Variants in CLUL1 observed in about 807,000 individuals in gnomAD.
CLUL1 encodes clusterin-like protein 1.
In CLUL1, 43 loss-of-function variants were observed where a neutral mutation model predicts 49.4. That is an observed-to-expected ratio of 0.87 (90% CI 0.68 to 1.12). CLUL1 has a LOEUF of 1.12. CLUL1 is among the 50% of genes most tolerant of loss of function. The pLI, the probability that CLUL1 is intolerant of heterozygous loss-of-function variation, is 0.00. For missense variants in CLUL1, 486 were observed against 544.4 expected (o/e 0.89, Z 1.07); for synonymous variants, 192 against 184.9 (o/e 1.04, Z -0.31).
intron 1 of CLUL1, among the ~76,000 whole-genome samples, chr18:602,576 A>G (rs2072863117): frequency 6.6e-6 from 1 of 152,244 alleles, no homozygotes; most frequent in African/African-American, 2.4e-5. Context: ...AGCTATTTTC[A>G]TAATTTCCTC....
intron 4 of CLUL1, 85 bp downstream of exon 4, chr18:619,446 A>G: frequency 8.1e-7 from 1 of 1,236,870 alleles, no homozygotes; most frequent in South Asian, 2.0e-5. Flanking sequence ...TGAATTACTT[A>G]TTTTCCTTAG....
At chr18:649,709 C>T in intron 9 of CLUL1, 189 bp from the exon 10 acceptor site, 1 of 507,392 alleles carries the variant, frequency 2.0e-6, no homozygotes, top group Non-Finnish European at 3.5e-6. Context: ...ACGATTTCTT[C>T]AAATTGTTAA....
chr18:619,497 T>C, intron 4 of CLUL1, 136 bp downstream of exon 4: 1 of 851,806 alleles, frequency 1.2e-6, no homozygotes, highest in Admixed American at 3.3e-5. Flanking sequence ...TGAGGAAAAG[T>C]TTAAGGGAAG....
At chr18:599,076 A>G (rs557787654) in intron 1 of CLUL1, among the ~76,000 whole-genome samples, 9 of 152,374 alleles carry the variant, frequency 5.9e-5, no homozygotes, top group African/African-American at 2.2e-4. Flanking sequence ...GAATGATTAT[A>G]GTAGATTTTA....
At chr18:634,346 C>A (rs1217314383) in intron 7 of CLUL1, among the ~76,000 whole-genome samples, 6 of 152,108 alleles carry the variant, frequency 3.9e-5, no homozygotes, top group Non-Finnish European at 5.9e-5. Context: ...ATTGGCCAGG[C>A]TGGTCTCGAA....
chr18:649,894 T>C lies in CLUL1; in HGVS notation c.1398-4T>C. ...TCATTGCTGCCTTTTTTTTTTTTTT[T>C]AAGGTAAGAAGATCTAATGCATCCT... On this transcript the variant is annotated splice_polypyrimidine_tract_variant and splice_region_variant and intron_variant, in intron 9 of 9. Coordinates refer to ENST00000692774, the MANE Select transcript of CLUL1 (RefSeq NM_001393344.1). 7.4e-7 allele frequency: 1 copy of C among 1,345,968 alleles called. No homozygotes were observed. The highest frequency in any genetic ancestry group is 1.1e-6 in the Non-Finnish European group (1 of 949,936). The allele number at this position is 1,345,968 out of a possible 1,614,324, so 83.4% of individuals were successfully genotyped here. A position where few individuals can be genotyped will look rare whatever the true frequency, so the allele number is the denominator to read the frequency against.
At chr18:626,139 G>T (rs1053377524) in intron 5 of CLUL1, among the ~76,000 whole-genome samples, 3 of 152,118 alleles carry the variant, frequency 2.0e-5, no homozygotes, top group African/African-American at 7.2e-5. Flanking sequence ...ATGAGACAGG[G>T]TCTGGCTCTT....
chr18:618,197 TA>T lies in CLUL1; in HGVS notation c.106+92del. ...GTGAGTCGCAGTTGAGAGATAACCA[TA>T]TTCGCTGTTTTCACGGTGAAACGTT... On this transcript the variant is annotated intron_variant, in intron 3 of 9. Transcript: ENST00000692774. This position sits in a 1 kb window ranked among gnomAD's most constrained non-coding sequence, Gnocchi z 4.2. The T allele has an allele frequency of 1.1e-6, 1 of 946,996 alleles. No homozygotes were observed. Among genetic ancestry groups the T allele is most frequent in the Non-Finnish European group, 1.7e-6 (1 of 598,178 alleles). 58.7% of individuals were successfully genotyped at this position (946,996 alleles called of 1,614,324 possible). A position where few individuals can be genotyped will look rare whatever the true frequency, so the allele number is the denominator to read the frequency against.
In CLUL1 at chr18:650,051, T is replaced by C. The variant is rs2074633971; in HGVS notation, c.*150T>C. 1 of 550,602 alleles carries C rather than the reference T, an allele frequency of 1.8e-6. No individual in the cohort carries two copies. Among genetic ancestry groups the C allele is most frequent in the East Asian group, 2.8e-5 (1 of 35,888 alleles). 34.1% of individuals were successfully genotyped at this position (550,602 alleles called of 1,614,324 possible). A position where few individuals can be genotyped will look rare whatever the true frequency, so the allele number is the denominator to read the frequency against. Reference sequence around the variant, plus strand: ...ATGAAGTACTCTTAGTTTACTTATGTTGAATGGCTTAGCTATTAATACTCA... The same window carrying C: ...ATGAAGTACTCTTAGTTTACTTATGCTGAATGGCTTAGCTATTAATACTCA... On this transcript the variant is annotated 3_prime_UTR_variant, in exon 10 of 10. Transcript: ENST00000692774.
At chr18:603,641 AGTT>A (rs2072890950) in intron 1 of CLUL1, among the ~76,000 whole-genome samples, 1 of 152,136 alleles carries the variant, frequency 6.6e-6, no homozygotes, top group Admixed American at 6.5e-5. Flanking sequence ...AGATTTCACC[AGTT>A]ATTAGATGCA....
intron 8 of CLUL1, among the ~76,000 whole-genome samples, chr18:644,242 A>G (rs1367865606): frequency 1.3e-5 from 2 of 152,254 alleles, no homozygotes; most frequent in Non-Finnish European, 2.9e-5. Context: ...TTAAGGTTAC[A>G]TCAAGTTGCG....
chr18:633,009 T>C (rs1181832706), intron 6 of CLUL1, among the ~76,000 whole-genome samples: 1 of 152,074 alleles, frequency 6.6e-6, no homozygotes, highest in Non-Finnish European at 1.5e-5. Flanking sequence ...GTACAAAGAT[T>C]AGCTGGGCTT....
rs544768226 is a variant in CLUL1, at chr18:598,439, G to C, written c.-136+1310G>C. 51 of 397,438 alleles carry C rather than the reference G, an allele frequency of 1.3e-4. No homozygotes were observed. In the Admixed American group the frequency reaches 1.5e-3, roughly 12 times the overall value. 24.6% of individuals were successfully genotyped at this position (397,438 alleles called of 1,614,324 possible). A position where few individuals can be genotyped will look rare whatever the true frequency, so the allele number is the denominator to read the frequency against. On this transcript the variant is annotated intron_variant, in intron 1 of 9. Coordinates refer to ENST00000692774, the MANE Select transcript of CLUL1 (RefSeq NM_001393344.1). Reference sequence around the variant, plus strand: ...ACGCTTTGTGAGTCTTCCTTCTTTCGACAGCCTGGAGTCTCTCTTGAGTCT... The same window carrying C: ...ACGCTTTGTGAGTCTTCCTTCTTTCCACAGCCTGGAGTCTCTCTTGAGTCT...
intron 4 of CLUL1, among the ~76,000 whole-genome samples, 175 bp downstream of exon 4, chr18:619,536 G>T (rs756589124): frequency 6.6e-6 from 1 of 152,090 alleles, no homozygotes; most frequent in African/African-American, 2.4e-5. Context: ...AACATATTTC[G>T]TGTAGGATAG....
intron 8 of CLUL1, among the ~76,000 whole-genome samples, chr18:644,158 CAT>C (rs1169883125): frequency 6.6e-6 from 1 of 152,126 alleles, no homozygotes; most frequent in Non-Finnish European, 1.5e-5. Flanking sequence ...TTAAACCAAA[CAT>C]AAATACTTTA....
At chr18:643,016 A>T (rs1278188347) in intron 8 of CLUL1, among the ~76,000 whole-genome samples, 3 of 152,242 alleles carry the variant, frequency 2.0e-5, no homozygotes, top group Admixed American at 2.0e-4. Flanking sequence ...ATGGCATTCT[A>T]TAATCCAGCA....
Position 619,147 on chromosome 18 carries a change from G to T in CLUL1, c.107-66G>T, listed in dbSNP as rs911586164. 9 of 1,457,600 alleles carry T rather than the reference G, an allele frequency of 6.2e-6. No homozygotes were observed. In the African/African-American group the frequency reaches 1.1e-4, roughly 18 times the overall value. The allele number at this position is 1,457,600 out of a possible 1,614,324, so 90.3% of individuals were successfully genotyped here. A position where few individuals can be genotyped will look rare whatever the true frequency, so the allele number is the denominator to read the frequency against. ...AGCCTCTCTTTTGGAGACATGAAAG[G>T]TTGGTGAACTTGGTGTTTTGTAATC... On this transcript the variant is annotated intron_variant, in intron 3 of 9. Coordinates refer to ENST00000692774, the MANE Select transcript of CLUL1 (RefSeq NM_001393344.1).
At chr18:643,553 TGTCA>T (rs1567978052) in intron 8 of CLUL1, among the ~76,000 whole-genome samples, 2 of 152,248 alleles carry the variant, frequency 1.3e-5, no homozygotes, top group Non-Finnish European at 2.9e-5. Context: ...TTTTTACCAT[TGTCA>T]GTATTTTCTA....
chr18:604,982 C>T (rs1017391485), intron 1 of CLUL1, among the ~76,000 whole-genome samples: 7 of 152,278 alleles, frequency 4.6e-5, no homozygotes, highest in African/African-American at 7.2e-5. Flanking sequence ...TCCCTGTGCA[C>T]GTTCCCTTAT....
Sources: allele counts gnomAD v4.1 joint callset (sites outside exome capture counted in the v4.1 genomes callset), GRCh38; gene constraint gnomAD v4.1.1; non-coding constraint Gnocchi (gnomAD v3.1); transcripts MANE v1.5; gene names NCBI Gene and HGNC (gene_info 2026-07-23, HGNC 2026-07-21).